DCTN5: variants seen among roughly 807,000 people sequenced by gnomAD.
The protein encoded by DCTN5 is dynactin 4.
Under a neutral mutation model 23.5 loss-of-function variants are expected in DCTN5, and 14 were observed. The ratio of observed to expected loss-of-function variants is 0.60; its 90% CI spans 0.39 to 0.93. The LOEUF is 0.93. Ranked by LOEUF, DCTN5 falls within the 40% of genes least tolerant of loss-of-function variation. The pLI, the probability that DCTN5 is intolerant of heterozygous loss-of-function variation, is 0.00. For synonymous variants in DCTN5, 67 were observed against 79.6 expected, an observed-to-expected ratio of 0.84 and a Z score of 0.84; for missense variants, 156 against 225.9, an observed-to-expected ratio of 0.69 and a Z score of 1.98.
chr16:23,641,669 C>A, intron 1 of DCTN5, 79 bp downstream of exon 1: 4 of 1,443,486 alleles, frequency 2.8e-6, no homozygotes, highest in Admixed American at 1.8e-5. Context: ...CCAACCTGCC[C>A]CTACCCCACC....
chr16:23,676,681 T>C lies in DCTN5; in HGVS notation c.*9537T>C, dbSNP rs117296859. 6.6e-6 allele frequency: 1 copy of C among 152,290 alleles called. No homozygotes were observed. The highest frequency in any genetic ancestry group is 1.9e-4 in the East Asian group (1 of 5,182). 9.4% of individuals were successfully genotyped at this position (152,290 alleles called of 1,614,324 possible). On this transcript the variant is annotated 3_prime_UTR_variant, in exon 6 of 6. Transcript: ENST00000300087. ...CCCTACCAGGAAGAACTGAGGTCCA[T>C]ATTTGAGGTTGGTCTCACCCTTTTG...
intron 2 of DCTN5, chr16:23,657,555 C>G (rs764042839): frequency 1.1e-5 from 4 of 375,768 alleles, no homozygotes; most frequent in African/African-American, 2.2e-5. Flanking sequence ...ATTCTCCTGC[C>G]TCAGCCTCCC....
At position 23,661,263 on chromosome 16, in the gene DCTN5, TG is replaced by T; in HGVS notation, c.333del (p.Lys112ArgfsTer4). 3 of 1,611,806 alleles carry T rather than the reference TG, an allele frequency of 1.9e-6. No individual in the cohort carries two copies. Among genetic ancestry groups the T allele is most frequent in the Non-Finnish European group, 2.5e-6 (3 of 1,178,924 alleles). On this transcript the variant is annotated frameshift_variant, in exon 4 of 6. Transcript: ENST00000300087. LOFTEE classifies it high-confidence loss of function. Reference sequence around the variant, plus strand: ...CACAGATTGGTTCCTATGTTCATGTTGGGAAGAACTGTGTGATTGTGAGTAT... The same window carrying T: ...CACAGATTGGTTCCTATGTTCATGTTGGAAGAACTGTGTGATTGTGAGTAT... ...AAQIGSYVHV[G>X]KNCVIGRRCV...
At chr16:23,662,672 A>T (rs2140986009) in intron 4 of DCTN5, among the ~76,000 whole-genome samples, 1 of 152,348 alleles carries the variant, frequency 6.6e-6, no homozygotes, top group East Asian at 1.9e-4. Context: ...GGTACAGCAA[A>T]GGTGGACAGA....
In DCTN5 at chr16:23,668,540, T is replaced by C. The variant is rs1417330387; in HGVS notation, c.*1396T>C. Reference sequence around the variant, plus strand: ...TGTCATCAGGCACCCAGGTTCCTACTGTCTTGCCATGTGGCCACAGTTAGC... The same window carrying C: ...TGTCATCAGGCACCCAGGTTCCTACCGTCTTGCCATGTGGCCACAGTTAGC... On this transcript the variant is annotated 3_prime_UTR_variant, in exon 6 of 6. Transcript: ENST00000300087. 2 of 152,254 alleles carry C rather than the reference T, an allele frequency of 1.3e-5. No individual in the cohort carries two copies. The highest frequency in any genetic ancestry group is 4.1e-4 in the South Asian group (2 of 4,836). 9.4% of individuals were successfully genotyped at this position (152,254 alleles called of 1,614,324 possible).
At chr16:23,644,213 C>T (rs1368241324) in intron 2 of DCTN5, among the ~76,000 whole-genome samples, 2 of 151,916 alleles carry the variant, frequency 1.3e-5, no homozygotes, top group African/African-American at 4.8e-5. Context: ...CTGCAACTTC[C>T]ACCTCCTGGC....
chr16:23,657,342 G>C (rs1967723965), intron 2 of DCTN5: 1 of 271,442 alleles, frequency 3.7e-6, no homozygotes, highest in Non-Finnish European at 7.4e-6. Context: ...TGTAGTCCCA[G>C]CTGCACAGAA....
intron 4 of DCTN5, among the ~76,000 whole-genome samples, chr16:23,662,375 A>G (rs1967830295): frequency 6.6e-6 from 1 of 152,188 alleles, no homozygotes; most frequent in Admixed American, 6.5e-5. Flanking sequence ...GAGCCTAGGA[A>G]TAGGTTGATT....
chr16:23,662,289 CA>C (rs1481599141), intron 4 of DCTN5, among the ~76,000 whole-genome samples: 5 of 152,124 alleles, frequency 3.3e-5, no homozygotes, highest in Middle Eastern at 3.2e-3. Context: ...TTCAAGTCAT[CA>C]AAGGGCATTT....
intron 1 of DCTN5, among the ~76,000 whole-genome samples, chr16:23,641,855 A>G (rs1468962975): frequency 6.6e-6 from 1 of 152,066 alleles, no homozygotes; most frequent in Non-Finnish European, 1.5e-5. Flanking sequence ...TGTTCATACG[A>G]ATTACAGCTC....
At chr16:23,657,436 A>G (rs766492859) in intron 2 of DCTN5, 11 of 412,034 alleles carry the variant, frequency 2.7e-5, no homozygotes, top group Non-Finnish European at 4.3e-5. Context: ...AGCCTGGGCA[A>G]CAGAGTGAGA....
intron 2 of DCTN5, among the ~76,000 whole-genome samples, chr16:23,648,721 C>T (rs112461940): frequency 2.0e-5 from 3 of 152,084 alleles, no homozygotes; most frequent in East Asian, 3.9e-4. Context: ...ATCCCACCAA[C>T]AGTGTATAAG....
chr16:23,648,725 G>A (rs900464510), intron 2 of DCTN5, among the ~76,000 whole-genome samples: 6 of 152,042 alleles, frequency 3.9e-5, no homozygotes, highest in Admixed American at 2.0e-4. Flanking sequence ...CACCAACAGT[G>A]TATAAGAGTT....
At chr16:23,658,367 A>G (rs1967749018) in intron 2 of DCTN5, 140 bp from the exon 3 acceptor site, 3 of 659,402 alleles carry the variant, frequency 4.5e-6, no homozygotes, top group Non-Finnish European at 8.0e-6. Flanking sequence ...CTTACAATTT[A>G]TTCCTTTTGG....
At chr16:23,663,743 G>A (rs576177977) in intron 4 of DCTN5, among the ~76,000 whole-genome samples, 20 of 151,856 alleles carry the variant, frequency 1.3e-4, no homozygotes, top group African/African-American at 4.8e-4. Flanking sequence ...AGAAGTTTCA[G>A]CTTTTACCTC....
intron 2 of DCTN5, among the ~76,000 whole-genome samples, chr16:23,648,316 A>G (rs1597114710): frequency 8.3e-6 from 1 of 120,986 alleles, no homozygotes. Flanking sequence ...ATGCACCACC[A>G]TTGCTGGCTA....
chr16:23,648,230 A>G (rs1039201369), intron 2 of DCTN5, among the ~76,000 whole-genome samples: 1 of 151,602 alleles, frequency 6.6e-6, no homozygotes, highest in Non-Finnish European at 1.5e-5. Context: ...ATCATAGCTC[A>G]CTGCAGCCTT....
At chr16:23,666,225 G>A (rs1445641941) in intron 5 of DCTN5, among the ~76,000 whole-genome samples, 2 of 152,232 alleles carry the variant, frequency 1.3e-5, no homozygotes, top group Non-Finnish European at 2.9e-5. Flanking sequence ...GAGAATTTTA[G>A]TACTGGGCTT....
rs563353486 is a variant in DCTN5, at chr16:23,668,905, G to A, written c.*1761G>A. The stretch of plus-strand genomic sequence containing the variant: ...TGGATCAGTCACTGTGGCCATGCAT[G>A]TTTGGCCACATGATTAATCCAGTCT... On this transcript the variant is annotated 3_prime_UTR_variant, in exon 6 of 6. Transcript: ENST00000300087. 3 of 152,486 alleles carry A rather than the reference G, an allele frequency of 2.0e-5. No individual in the cohort carries two copies. Among genetic ancestry groups the A allele is most frequent in the Non-Finnish European group, 4.4e-5 (3 of 68,032 alleles). 9.4% of individuals were successfully genotyped at this position (152,486 alleles called of 1,614,324 possible).
Sources: allele counts gnomAD v4.1 joint callset (sites outside exome capture counted in the v4.1 genomes callset), GRCh38; gene constraint gnomAD v4.1.1; transcripts MANE v1.5; gene names NCBI Gene and HGNC (gene_info 2026-07-23, HGNC 2026-07-21).